The following ERBB2 variants were observed in gnomAD, a reference collection of about 807,000 sequenced individuals.
ERBB2 encodes the protein erb-b2 receptor tyrosine kinase 2.
In ERBB2, 61 loss-of-function variants were observed where a neutral mutation model predicts 149.0. That is an observed-to-expected ratio of 0.41 (90% CI 0.33 to 0.51). The LOEUF is 0.51. Among genes scored for constraint, ERBB2 ranks in the 20% least tolerant of loss-of-function variants. ERBB2 has a pLI of 0.25. For missense variants in ERBB2, 1,205 were observed against 1,655.1 expected, an observed-to-expected ratio of 0.73 and a Z score of 4.72; for synonymous variants, 633 against 678.8, an observed-to-expected ratio of 0.93 and a Z score of 1.05.
intron 1 of ERBB2, among the ~76,000 whole-genome samples, chr17:39,702,993 G>T (rs1246707238): frequency 6.6e-6 from 1 of 152,242 alleles, no homozygotes; most frequent in Non-Finnish European, 1.5e-5. Context: ...GATGGGAGGA[G>T]AAGCGCTCCT....
chr17:39,723,693 G>T lies in ERBB2; in HGVS notation c.2208+33G>T, dbSNP rs2145818592. 6.3e-7 allele frequency: 1 copy of T among 1,587,386 alleles called. No individual in the cohort carries two copies. Among genetic ancestry groups the T allele is most frequent in the South Asian group, 1.1e-5 (1 of 87,686 alleles). ...CCAGGTCCTGGGGTGGGCGGCCCCA[G>T]AGGATGGGGGCGGTGCCTGGAGGGG... On this transcript the variant is annotated intron_variant, in intron 18 of 26. Coordinates refer to ENST00000269571, the MANE Select transcript of ERBB2 (RefSeq NM_004448.4). This position sits in a 1 kb window ranked among gnomAD's most constrained non-coding sequence, Gnocchi z 6.2.
Position 39,726,032 on chromosome 17 carries a change from A to G in ERBB2, c.2872+179A>G. The G allele has an allele frequency of 1.6e-6, 1 of 619,362 alleles. No homozygotes were observed. The allele number at this position is 619,362 out of a possible 1,614,324, so 38.4% of individuals were successfully genotyped here. On this transcript the variant is annotated intron_variant, in intron 23 of 26. Coordinates refer to ENST00000269571, the MANE Select transcript of ERBB2 (RefSeq NM_004448.4). This position sits in a 1 kb window ranked among gnomAD's most constrained non-coding sequence, Gnocchi z 5.1. Reference sequence around the variant, plus strand: ...TCAAAGTCCAAAGCCACTCTTGAGGAACACTCTTGTACAAAATTAAGCTGG... The same window carrying G: ...TCAAAGTCCAAAGCCACTCTTGAGGGACACTCTTGTACAAAATTAAGCTGG...
chr17:39,712,198 C>T (rs747738532), intron 8 of ERBB2, 124 bp from the exon 9 acceptor site: 23 of 1,521,072 alleles, frequency 1.5e-5, no homozygotes, highest in Non-Finnish European at 2.0e-5. Context: ...CTCAGCCCTA[C>T]AAGTGTCCCT....
chr17:39,716,840 T>C, intron 14 of ERBB2: 1 of 565,238 alleles, frequency 1.8e-6, no homozygotes, highest in East Asian at 3.0e-5. Context: ...GCTGTGACTG[T>C]GGCTGTGCTA....
Position 39,712,348 on chromosome 17 carries a change from T to C in ERBB2, c.1048T>C (p.Leu350=), listed in dbSNP as rs770421665. The C allele has an allele frequency of 2.6e-6, 4 of 1,566,522 alleles. No individual in the cohort carries two copies. The highest frequency in any genetic ancestry group is 1.7e-4 in the Middle Eastern group (1 of 5,848). ...RVCYGLGMEH[L]REVRAVTSAN... ...GTGCTATGGTCTGGGCATGGAGCAC[T>C]TGCGAGAGGTGAGGGCAGTTACCAG... The change falls in exon 9 of 27, where the codon TTG becomes CTG. Residue 350 remains leucine, a synonymous_variant. Coordinates refer to ENST00000269571, the MANE Select transcript of ERBB2 (RefSeq NM_004448.4).
chr17:39,724,272 A>ATT lies in ERBB2; in HGVS notation c.2307+277_2307+278dup, dbSNP rs71149796. The stretch of plus-strand genomic sequence containing the variant: ...TAGCTGGGATTACAAGCGCCCGCTA[A>ATT]TTTTTTTTTTTTTTTTGAGACAGAG... On this transcript the variant is annotated intron_variant, in intron 19 of 26. Coordinates refer to ENST00000269571, the MANE Select transcript of ERBB2 (RefSeq NM_004448.4). Among the ~76,000 whole-genome samples, 169 of 77,010 alleles carry ATT rather than the reference A, an allele frequency of 2.2e-3. 30 individuals carry two copies. The Middle Eastern group carries it at 0.026, about 12-fold the overall frequency. The allele number at this position is 77,010 out of a possible 152,430, so 50.5% of individuals were successfully genotyped here.
At chr17:39,693,443 C>T (rs2057755887), upstream of ERBB2, 1 of 152,036 alleles carries the variant, frequency 6.6e-6, no homozygotes, top group Admixed American at 6.6e-5. Flanking sequence ...TGTAAATGGA[C>T]TGTTTGCTAT....
intron 15 of ERBB2, among the ~76,000 whole-genome samples, chr17:39,718,471 G>A (rs1319726520): frequency 3.3e-5 from 5 of 152,118 alleles, no homozygotes; most frequent in Admixed American, 1.3e-4. Context: ...ATATTAGGTC[G>A]AGTCAAATAA....
intron 1 of ERBB2, among the ~76,000 whole-genome samples, chr17:39,704,914 T>G (rs2058338105): frequency 6.6e-6 from 1 of 151,872 alleles, no homozygotes; most frequent in Admixed American, 6.6e-5. Context: ...ATTGGGAGAA[T>G]TAGTGTGTAT....
chr17:39,697,149 C>G (rs1695801444), upstream of ERBB2, among the ~76,000 whole-genome samples: 1 of 152,128 alleles, frequency 6.6e-6, no homozygotes, highest in Admixed American at 6.5e-5. Flanking sequence ...GATCCTCACC[C>G]TAACCCTAAC....
intron 19 of ERBB2, among the ~76,000 whole-genome samples, chr17:39,724,288 T>TTTTTTTTA (rs1567912499): frequency 6.9e-6 from 1 of 144,104 alleles, no homozygotes; most frequent in African/African-American, 2.5e-5. Flanking sequence ...TTTTTTTTTT[T>TTTTTTTTA]GAGACAGAGT....
chr17:39,697,763 A>C (rs1046555984), upstream of ERBB2, among the ~76,000 whole-genome samples: 2 of 151,354 alleles, frequency 1.3e-5, no homozygotes, highest in Admixed American at 1.3e-4. Flanking sequence ...GCAAGATCTC[A>C]GCTCACTGCA....
At chr17:39,702,092 T>TA (rs1332591569) in intron 1 of ERBB2, among the ~76,000 whole-genome samples, 1 of 152,120 alleles carries the variant, frequency 6.6e-6, no homozygotes, top group Non-Finnish European at 1.5e-5. Context: ...AGGAGTTAGT[T>TA]AAAAAGTCAT....
At position 39,700,150 on chromosome 17, in the gene ERBB2, C is replaced by T; in HGVS notation, c.-89C>T. On this transcript the variant is annotated 5_prime_UTR_variant, in exon 1 of 27. Coordinates refer to ENST00000269571, the MANE Select transcript of ERBB2 (RefSeq NM_004448.4). Reference sequence around the variant, plus strand: ...CGGGGCCCTTTACTGCGCCGCGCGCCCGGCCCCCACCCCTCGCAGCACCCC... The same window carrying T: ...CGGGGCCCTTTACTGCGCCGCGCGCTCGGCCCCCACCCCTCGCAGCACCCC... 7.6e-7 allele frequency: 1 copy of T among 1,321,188 alleles called. No individual in the cohort carries two copies. Among genetic ancestry groups the T allele is most frequent in the Non-Finnish European group, 9.6e-7 (1 of 1,043,230 alleles). The allele number at this position is 1,321,188 out of a possible 1,614,324, so 81.8% of individuals were successfully genotyped here.
chr17:39,706,974 T>C lies in ERBB2; in HGVS notation c.74-16T>C, dbSNP rs1468987656. 4 of 1,552,376 alleles carry C rather than the reference T, an allele frequency of 2.6e-6. No homozygotes were observed. The highest frequency in any genetic ancestry group is 8.7e-7 in the Non-Finnish European group (1 of 1,147,404). On this transcript the variant is annotated splice_polypyrimidine_tract_variant and intron_variant, in intron 1 of 26. Coordinates refer to ENST00000269571, the MANE Select transcript of ERBB2 (RefSeq NM_004448.4). ...CCCCGCCAGTGTCCTCTGACCCATC[T>C]GCTCTCTCCTGCCAGTGTGCACCGG...
Position 39,707,155 on chromosome 17 carries a change from G to C in ERBB2, c.225+14G>C, listed in dbSNP as rs529042839. ...TCCTTCCTGCAGGTGAGGCCCGTGG[G>C]CAACCCAGCCAGGCCCTGCCTCCAG... On this transcript the variant is annotated intron_variant, in intron 2 of 26. Transcript: ENST00000269571. The C allele has an allele frequency of 7.1e-6, 11 of 1,546,066 alleles. No individual in the cohort carries two copies. In the African/African-American group the frequency reaches 1.5e-4, roughly 21 times the overall value.
upstream of ERBB2, chr17:39,699,736 A>T: frequency 1.5e-6 from 1 of 672,650 alleles, no homozygotes; most frequent in Non-Finnish European, 2.6e-6. Context: ...GAGACTTAAA[A>T]GGGTGTTAAG....
intron 9 of ERBB2, 45 bp downstream of exon 9, chr17:39,712,493 A>T (rs1344701164): frequency 1.2e-6 from 2 of 1,602,924 alleles, no homozygotes. Context: ...GGGCAGACAG[A>T]GTCCTGAGGA....
At chr17:39,698,238 A>G (rs1417303483), upstream of ERBB2, among the ~76,000 whole-genome samples, 15 of 151,648 alleles carry the variant, frequency 9.9e-5, no homozygotes, top group Admixed American at 9.8e-4. Flanking sequence ...AGGTGACATG[A>G]CTGATATGGA....
Sources: gnomAD v4.1 joint callset for allele counts (sites outside exome capture counted in the v4.1 genomes callset) on GRCh38, gnomAD v4.1.1 for gene constraint, Gnocchi (gnomAD v3.1) non-coding constraint, MANE v1.5 for transcripts, NCBI Gene and HGNC (gene_info 2026-07-23, HGNC 2026-07-21) for gene names.